ANKFY1: variants seen among roughly 807,000 people sequenced by gnomAD.
ANKFY1 encodes ankyrin repeat and FYVE domain containing 1, also known as ankyrin repeat and FYVE domain-containing protein 1.
A neutral mutation model predicts 128.3 loss-of-function variants in ANKFY1; 47 were observed. The ratio of observed to expected loss-of-function variants is 0.37; its 90% CI spans 0.29 to 0.47. ANKFY1 has a LOEUF of 0.47. ANKFY1 is among the 20% of genes least tolerant of loss of function. The probability of loss-of-function intolerance (pLI) is 1.00; values close to 1 mark genes in which losing one functional copy is unlikely to be tolerated. For synonymous variants in ANKFY1, 553 were observed against 601.6 expected (o/e 0.92, Z 1.18); for missense variants, 1,222 against 1,510.6 (o/e 0.81, Z 3.17).
At chr17:4,218,004 T>C (rs1432220353) in intron 3 of ANKFY1, among the ~76,000 whole-genome samples, 1 of 152,074 alleles carries the variant, frequency 6.6e-6, no homozygotes, top group Non-Finnish European at 1.5e-5. Flanking sequence ...TTCTTTATGA[T>C]AAAAAGACCT....
chr17:4,199,707 A>G (rs759687846), intron 7 of ANKFY1, among the ~76,000 whole-genome samples: 1 of 152,256 alleles, frequency 6.6e-6, no homozygotes, highest in Non-Finnish European at 1.5e-5. Context: ...GAACTAAGCA[A>G]TCTGACAAGT....
At chr17:4,201,941 A>G (rs561383775) in intron 7 of ANKFY1, among the ~76,000 whole-genome samples, 20 of 152,354 alleles carry the variant, frequency 1.3e-4, no homozygotes, top group African/African-American at 4.6e-4. Context: ...TTAGCAATAC[A>G]ACTAAATATC....
chr17:4,253,938 AC>A (rs1414432859), intron 1 of ANKFY1, among the ~76,000 whole-genome samples: 3 of 152,212 alleles, frequency 2.0e-5, no homozygotes, highest in African/African-American at 7.2e-5. Context: ...TATGACAACA[AC>A]AACAACAACT....
chr17:4,225,786 C>T (rs921380106), intron 3 of ANKFY1, among the ~76,000 whole-genome samples: 2 of 151,994 alleles, frequency 1.3e-5, no homozygotes, highest in Admixed American at 6.6e-5. Context: ...TTTTTTGAGA[C>T]AGGGTCTCAC....
intron 2 of ANKFY1, among the ~76,000 whole-genome samples, chr17:4,239,033 C>T (rs577353089): frequency 6.0e-4 from 91 of 152,306 alleles, no homozygotes; most frequent in Non-Finnish European, 1.1e-3. Flanking sequence ...GCTGGGATTA[C>T]AGGAGTGAGC....
rs375008056 is a variant in ANKFY1 at position 4,242,375 on chromosome 17, C to T, written c.84G>A (p.Ala28=). 4.5e-5 allele frequency: 73 copies of T among 1,604,630 alleles called. No homozygotes were observed. Among genetic ancestry groups the T allele is most frequent in the Non-Finnish European group, 5.4e-5 (64 of 1,176,326 alleles). The change falls in exon 2 of 25, where the codon GCG becomes GCA. Residue 28 remains alanine (A), a synonymous_variant. Transcript: ENST00000341657. ...QEYVKLQKKL[A]ETEKRCALLA... ...AGAGAGCGCAGCGCTTCTCTGTCTC[C>T]GCCAGCTTCTTCTGCAGCTTGACAT...
intron 21 of ANKFY1, 137 bp from the exon 22 acceptor site, chr17:4,172,817 T>A: frequency 7.9e-7 from 1 of 1,260,900 alleles, no homozygotes; most frequent in African/African-American, 1.5e-5. Context: ...TTTCTTTTTC[T>A]TATTTTGTAT....
At chr17:4,260,618 C>CA (rs60030304) in intron 1 of ANKFY1, among the ~76,000 whole-genome samples, 5,468 of 62,924 alleles carry the variant, frequency 0.087, 46 homozygotes, top group African/African-American at 0.13. Context: ...ATCCTGTCTC[C>CA]AAAAAAAAAA....
chr17:4,177,610 T>C (rs752411220), intron 18 of ANKFY1, among the ~76,000 whole-genome samples: 4 of 152,030 alleles, frequency 2.6e-5, no homozygotes, highest in Non-Finnish European at 5.9e-5. Context: ...ATCTGAAGGA[T>C]AGGGAAACGC....
At chr17:4,229,940 C>T (rs761991058) in intron 3 of ANKFY1, among the ~76,000 whole-genome samples, 5 of 152,192 alleles carry the variant, frequency 3.3e-5, no homozygotes, top group Non-Finnish European at 5.9e-5. Context: ...TTTGAATCCA[C>T]CTTTGCAGGG....
At chr17:4,223,640 G>C (rs1047491585) in intron 3 of ANKFY1, 2 of 1,563,414 alleles carry the variant, frequency 1.3e-6, no homozygotes, top group African/African-American at 2.7e-5. Context: ...GCCCTACATG[G>C]ACACTGACCC....
chr17:4,181,200 A>G lies in ANKFY1; in HGVS notation c.2240+54T>C. On this transcript the variant is annotated intron_variant, in intron 16 of 24. Coordinates refer to ENST00000341657, the MANE Select transcript of ANKFY1 (RefSeq NM_001330063.2). The surrounding 1 kb of genome is among the most constrained non-coding windows in gnomAD (Gnocchi z 4.9). ...AGACGGATTTAAAAAGGAAAGAGCC[A>G]GTTTGCAACAAGCTCACTAAAAAGC... 4 of 1,420,476 alleles carry G rather than the reference A, an allele frequency of 2.8e-6. No homozygotes were observed. The highest frequency in any genetic ancestry group is 4.0e-6 in the Non-Finnish European group (4 of 1,006,208). The allele number at this position is 1,420,476 out of a possible 1,614,324, so 88.0% of individuals were successfully genotyped here.
rs193012405 is a variant in ANKFY1, at chr17:4,193,615, G to A, written c.1372+1363C>T. On this transcript the variant is annotated intron_variant, in intron 10 of 24. Coordinates refer to ENST00000341657, the MANE Select transcript of ANKFY1 (RefSeq NM_001330063.2). ...CTAATTTTTGTATTTCAGTAGAGAC[G>A]GTGTTTCACCATGTTGGCCAGGATG... Among the ~76,000 whole-genome samples, 112 of 151,762 alleles carry A rather than the reference G, an allele frequency of 7.4e-4. 2 individuals are homozygous for A. Among genetic ancestry groups the A allele is most frequent in the Admixed American group, 6.1e-3 (93 of 15,232 alleles).
chr17:4,173,276 G>C, intron 21 of ANKFY1, 78 bp downstream of exon 21: 1 of 1,413,084 alleles, frequency 7.1e-7, no homozygotes, highest in South Asian at 1.2e-5. Flanking sequence ...CCCTGGGGCT[G>C]ATGGGAGGCA....
chr17:4,202,981 C>CATATAT lies in ANKFY1; in HGVS notation c.898+3334_898+3339dup, dbSNP rs56774221. Among the ~76,000 whole-genome samples, 659 of 146,274 alleles carry CATATAT rather than the reference C, an allele frequency of 4.5e-3. 2 individuals are homozygous for CATATAT. Among genetic ancestry groups the CATATAT allele is most frequent in the Middle Eastern group, 0.018 (5 of 282 alleles). ...AGTTCTTTTTACTTATAATCATACA[C>CATATAT]ATATATATATATATATATATTCACC... On this transcript the variant is annotated intron_variant, in intron 7 of 24. Transcript: ENST00000341657.
intron 3 of ANKFY1, 79 bp from the exon 4 acceptor site, chr17:4,217,197 A>C (rs767691867): frequency 1.3e-6 from 2 of 1,517,240 alleles, no homozygotes; most frequent in African/African-American, 2.8e-5. Flanking sequence ...CTAAAATTTG[A>C]GGCTAATAAA....
chr17:4,221,214 T>C (rs1205020418), intron 3 of ANKFY1, among the ~76,000 whole-genome samples: 1 of 152,194 alleles, frequency 6.6e-6, no homozygotes. Context: ...ACTGACTTTG[T>C]TTTTTACTTT....
Position 4,217,964 on chromosome 17 carries a change from G to A in ANKFY1, c.323-846C>T, listed in dbSNP as rs79864880. ...CTCCTAAAGCATTAGGATTACAGGC[G>A]TGAGCCGCTTCACCCAGCCTGAGTT... On this transcript the variant is annotated intron_variant, in intron 3 of 24. Transcript: ENST00000341657. Among the ~76,000 whole-genome samples the A allele has an allele frequency of 0.01, 1,575 of 152,276 alleles. 153 individuals are homozygous for A. In the East Asian group the frequency reaches 0.23, roughly 22 times the overall value.
Position 4,208,070 on chromosome 17 carries a change from T to G in ANKFY1, c.595A>C (p.Lys199Gln), listed in dbSNP as rs1441094562. Reference protein sequence around the residue: ...IIASHWDDLRKEDFSSMSAQL... With the variant: ...IIASHWDDLRQEDFSSMSAQL... ...GCGCTCATGCTGCTGAAATCCTCCT[T>G]CCTCAGGTCGTCCTGAGAATTCACA... Residue 199 changes from lysine (K) to glutamine (Q), a missense_variant, in exon 6 of 25, where the codon AAG (lysine) becomes CAG (glutamine). Transcript: ENST00000341657. The G allele has an allele frequency of 1.9e-6, 3 of 1,604,800 alleles. No homozygotes were observed. In the African/African-American group the frequency reaches 4.0e-5, roughly 22 times the overall value.
Sources: allele counts gnomAD v4.1 joint callset (sites outside exome capture counted in the v4.1 genomes callset), GRCh38; gene constraint gnomAD v4.1.1; non-coding constraint Gnocchi (gnomAD v3.1); transcripts MANE v1.5; gene names NCBI Gene and HGNC (gene_info 2026-07-23, HGNC 2026-07-21).